ADAMTS19: variants seen among roughly 807,000 people sequenced by gnomAD.
ADAMTS19 encodes A disintegrin and metalloproteinase with thrombospondin motifs 19.
ADAMTS19 carries 93 observed loss-of-function variants against 153.3 expected under a neutral mutation model. That is an observed-to-expected ratio of 0.61 (90% CI 0.51 to 0.72). The LOEUF is 0.72. Among genes scored for constraint, ADAMTS19 ranks in the 30% least tolerant of loss-of-function variants. The pLI, the probability that ADAMTS19 is intolerant of heterozygous loss-of-function variation, is 0.00. For missense variants in ADAMTS19, 1,482 were observed against 1,552.1 expected (o/e 0.95, Z 0.76); for synonymous variants, 600 against 556.6 (o/e 1.08, Z -1.10).
chr5:129,669,408 A>G (rs1328294556), intron 16 of ADAMTS19, among the ~76,000 whole-genome samples: 1 of 152,096 alleles, frequency 6.6e-6, no homozygotes, highest in Non-Finnish European at 1.5e-5. Flanking sequence ...AAACTTGTTT[A>G]TAATACTCTC....
At chr5:129,726,744 G>T (rs1441139398) in intron 21 of ADAMTS19, among the ~76,000 whole-genome samples, 1 of 151,958 alleles carries the variant, frequency 6.6e-6, no homozygotes, top group Non-Finnish European at 1.5e-5. Flanking sequence ...TGTCCTTATG[G>T]GGCATGTCTT....
At position 129,522,332 on chromosome 5, in the gene ADAMTS19, C is replaced by CACACACACAT. The variant is rs1309115957; in HGVS notation, c.914-3951_914-3950insCACACACATA. Reference sequence around the variant, plus strand: ...ATATATATATACACACACACACACACATATATATATATATATATATATATA... The same window carrying CACACACACAT: ...ATATATATATACACACACACACACACACACACACATATATATATATATATATATATATATA... On this transcript the variant is annotated intron_variant, in intron 3 of 22. Transcript: ENST00000274487. 2.8e-3 allele frequency among the ~76,000 whole-genome samples: 163 copies of CACACACACAT among 58,614 alleles called. 1 individual carries two copies. Among genetic ancestry groups the CACACACACAT allele is most frequent in the Non-Finnish European group, 3.9e-3 (137 of 35,482 alleles). The allele number at this position is 58,614 out of a possible 152,430, so 38.5% of individuals were successfully genotyped here.
At chr5:129,647,214 G>GAAAAAAAA (rs34958335) in intron 11 of ADAMTS19, among the ~76,000 whole-genome samples, 14 of 102,254 alleles carry the variant, frequency 1.4e-4, no homozygotes, top group South Asian at 3.2e-4. Context: ...AATTCTTTCA[G>GAAAAAAAA]AAAAAAAAAA....
At chr5:129,563,860 G>A (rs879602708) in intron 7 of ADAMTS19, among the ~76,000 whole-genome samples, 7 of 152,042 alleles carry the variant, frequency 4.6e-5, no homozygotes, top group Non-Finnish European at 7.4e-5. Context: ...TGCTGTGAAG[G>A]AATTTTGCAG....
At chr5:129,517,278 T>G (rs1751646542) in intron 3 of ADAMTS19, among the ~76,000 whole-genome samples, 1 of 152,002 alleles carries the variant, frequency 6.6e-6, no homozygotes, top group South Asian at 2.1e-4. Context: ...TATAATGTTC[T>G]GTAAATCTTT....
At chr5:129,655,280 A>G (rs562571528) in intron 14 of ADAMTS19, among the ~76,000 whole-genome samples, 1 of 152,134 alleles carries the variant, frequency 6.6e-6, no homozygotes, top group Non-Finnish European at 1.5e-5. Context: ...TTGGTGAGAA[A>G]ATCAGGCCAT....
At chr5:129,475,825 C>G (rs111923962) in intron 2 of ADAMTS19, among the ~76,000 whole-genome samples, 2 of 152,106 alleles carry the variant, frequency 1.3e-5, no homozygotes, top group African/African-American at 4.8e-5. Context: ...AGAGGAGACT[C>G]CATCTCAAAA....
At chr5:129,667,877 C>CA (rs747308068) in intron 16 of ADAMTS19, among the ~76,000 whole-genome samples, 26 of 152,198 alleles carry the variant, frequency 1.7e-4, no homozygotes, top group Non-Finnish European at 2.9e-4. Context: ...CATGCTAAAA[C>CA]CTCTTCTTCC....
At chr5:129,553,865 C>T (rs539406742) in intron 7 of ADAMTS19, among the ~76,000 whole-genome samples, 48 of 152,250 alleles carry the variant, frequency 3.2e-4, no homozygotes, top group African/African-American at 1.1e-3. Context: ...CTACCTATGC[C>T]TATGTCTGGA....
At chr5:129,702,364 T>A (rs998095450) in intron 20 of ADAMTS19, among the ~76,000 whole-genome samples, 1 of 152,338 alleles carries the variant, frequency 6.6e-6, no homozygotes, top group East Asian at 1.9e-4. Flanking sequence ...TGTTCACACA[T>A]GTACCAACAC....
At position 129,672,412 on chromosome 5, in the gene ADAMTS19, A is replaced by G. The variant is rs550579960; in HGVS notation, c.2506+6833A>G. ...ACAAAGTGGGAACAGGAAGCCAGAGAATTAAGCTAACTATAAAGACCCACC... is the reference window on the plus strand; with the variant it reads ...ACAAAGTGGGAACAGGAAGCCAGAGGATTAAGCTAACTATAAAGACCCACC... On this transcript the variant is annotated intron_variant, in intron 16 of 22. Coordinates refer to ENST00000274487, the MANE Select transcript of ADAMTS19 (RefSeq NM_133638.6). Among the ~76,000 whole-genome samples the G allele has an allele frequency of 7.9e-5, 12 of 152,294 alleles. No homozygotes were observed. The East Asian group carries it at 2.1e-3, about 27-fold the overall frequency.
intron 8 of ADAMTS19, among the ~76,000 whole-genome samples, chr5:129,616,176 T>C (rs536018219): frequency 3.3e-5 from 5 of 152,108 alleles, no homozygotes; most frequent in Admixed American, 1.3e-4. Context: ...ATTGTATATC[T>C]GAATGTCTGA....
intron 2 of ADAMTS19, among the ~76,000 whole-genome samples, chr5:129,474,755 C>T (rs1307709375): frequency 1.3e-5 from 2 of 152,082 alleles, no homozygotes; most frequent in Admixed American, 1.3e-4. Flanking sequence ...TACTTTGTGC[C>T]TCTGTTGTCT....
intron 7 of ADAMTS19, among the ~76,000 whole-genome samples, chr5:129,561,391 C>T (rs1281112491): frequency 1.3e-5 from 2 of 151,818 alleles, no homozygotes; most frequent in Admixed American, 1.3e-4. Flanking sequence ...TAGCCGGGCG[C>T]GGTGGCGGGC....
chr5:129,612,228 G>GT (rs1159508101), intron 8 of ADAMTS19, among the ~76,000 whole-genome samples: 1 of 148,760 alleles, frequency 6.7e-6, no homozygotes, highest in Admixed American at 6.8e-5. Context: ...ACGGTGTTTG[G>GT]TTTTTTTGTC....
chr5:129,714,690 T>A (rs975794072), intron 21 of ADAMTS19, among the ~76,000 whole-genome samples: 5 of 152,148 alleles, frequency 3.3e-5, no homozygotes, highest in African/African-American at 1.2e-4. Flanking sequence ...TATTGGATGT[T>A]ATCACTTTTT....
intron 21 of ADAMTS19, among the ~76,000 whole-genome samples, chr5:129,733,594 A>G (rs988366583): frequency 3.3e-5 from 5 of 152,104 alleles, no homozygotes; most frequent in Non-Finnish European, 7.4e-5. Flanking sequence ...GCAAATTAAA[A>G]CCAAAATGAG....
intron 11 of ADAMTS19, among the ~76,000 whole-genome samples, chr5:129,647,397 T>C (rs1464385163): frequency 6.6e-6 from 1 of 152,188 alleles, no homozygotes; most frequent in Non-Finnish European, 1.5e-5. Flanking sequence ...TATATTACTC[T>C]GATTTTTTTG....
chr5:129,495,482 G>T (rs1750898363), intron 2 of ADAMTS19, among the ~76,000 whole-genome samples: 1 of 151,978 alleles, frequency 6.6e-6, no homozygotes, highest in Admixed American at 6.6e-5. Flanking sequence ...AGCAGAAAAA[G>T]GTGCTTAAGA....
Sources: gnomAD v4.1 joint callset for allele counts (sites outside exome capture counted in the v4.1 genomes callset) on GRCh38, gnomAD v4.1.1 for gene constraint, MANE v1.5 for transcripts, NCBI Gene and HGNC (gene_info 2026-07-23, HGNC 2026-07-21) for gene names.